Variants in CLTCL1 observed in about 807,000 individuals in gnomAD.
CLTCL1 encodes the protein clathrin heavy chain like 1.
Under a neutral mutation model 190.0 loss-of-function variants are expected in CLTCL1, and 159 were observed. The observed-to-expected ratio is 0.84, with a 90% CI of 0.74 to 0.95. CLTCL1 has a LOEUF of 0.95. Ranked by LOEUF, CLTCL1 falls within the 40% of genes least tolerant of loss-of-function variation. The probability of loss-of-function intolerance (pLI) is 0.00; values close to 1 mark genes in which losing one functional copy is unlikely to be tolerated. For missense variants in CLTCL1, 1,878 were observed against 2,033.4 expected, an observed-to-expected ratio of 0.92 and a Z score of 1.47; for synonymous variants, 752 against 769.6, an observed-to-expected ratio of 0.98 and a Z score of 0.38.
At chr22:19,212,600 AAAGG>A (rs200691747) in intron 19 of CLTCL1, among the ~76,000 whole-genome samples, 21 of 148,954 alleles carry the variant, frequency 1.4e-4, no homozygotes, top group South Asian at 1.0e-3. Flanking sequence ...AGAAAGAAAG[AAAGG>A]AAGGAAGGAA....
At chr22:19,216,701 A>C (rs712950) in intron 18 of CLTCL1, among the ~76,000 whole-genome samples, 11,987 of 152,290 alleles carry the variant, frequency 0.079, 544 homozygotes, top group Middle Eastern at 0.17. Flanking sequence ...ACACCGGATG[A>C]CACTCAGAAC....
chr22:19,229,935 C>T lies in CLTCL1; in HGVS notation c.1685G>A (p.Cys562Tyr). Residue 562 changes from cysteine (C) to tyrosine (Y), a missense_variant, in exon 11 of 33, where the codon TGT becomes TAT. Cys to Tyr is a radical substitution (Grantham distance 194, BLOSUM62 -2). Transcript: ENST00000427926. The part of the protein sequence containing the change: ...IFMENSLIQQ[C>Y]TSFLLDALKN... ...CAAGGCATCCAATAAGAAGGAAGTA[C>T]ACTGCTGAATTAAACTGTTTTCCAT... 6.2e-7 allele frequency: 1 copy of T among 1,611,236 alleles called. No homozygotes were observed.
In CLTCL1 at chr22:19,219,883, A is replaced by C. The variant is rs2145747046; in HGVS notation, c.2919+2T>G. Reference sequence around the variant, plus strand: ...GCAGACATACCCATCTCTGTGCCTCACCTGGTCAATTAGCTGTCTCCTGGA... The same window carrying C: ...GCAGACATACCCATCTCTGTGCCTCCCCTGGTCAATTAGCTGTCTCCTGGA... On this transcript the variant is annotated splice_donor_variant, in intron 18 of 32. Transcript: ENST00000427926. LOFTEE classifies it high-confidence loss of function. The C allele has an allele frequency of 6.2e-7, 1 of 1,614,044 alleles. No individual in the cohort carries two copies. The highest frequency in any genetic ancestry group is 8.5e-7 in the Non-Finnish European group (1 of 1,179,890).
At position 19,201,327 on chromosome 22, in the gene CLTCL1, A is replaced by T; in HGVS notation, c.3765+2T>A. ...TGCCGTCTGCAGTTGCCCGCAGCTCACCTCCTTCCACGTCCGGGTGCTGCT... is the reference window on the plus strand; with the variant it reads ...TGCCGTCTGCAGTTGCCCGCAGCTCTCCTCCTTCCACGTCCGGGTGCTGCT... On this transcript the variant is annotated splice_donor_variant, in intron 23 of 32. Coordinates refer to ENST00000427926, the MANE Select transcript of CLTCL1 (RefSeq NM_007098.4). LOFTEE classifies it high-confidence loss of function. 6.2e-7 allele frequency: 1 copy of T among 1,608,680 alleles called. No homozygotes were observed. The highest frequency in any genetic ancestry group is 8.5e-7 in the Non-Finnish European group (1 of 1,177,940).
chr22:19,286,815 C>T (rs771913428), intron 1 of CLTCL1, among the ~76,000 whole-genome samples: 12 of 152,322 alleles, frequency 7.9e-5, no homozygotes, highest in South Asian at 2.1e-4. Flanking sequence ...ATTTAACATC[C>T]AGCAGAAATA....
chr22:19,232,991 TA>T (rs1270010263), intron 9 of CLTCL1, among the ~76,000 whole-genome samples, 174 bp downstream of exon 9: 1 of 152,060 alleles, frequency 6.6e-6, no homozygotes, highest in Non-Finnish European at 1.5e-5. Flanking sequence ...CTAAGGATAA[TA>T]AAAAGCTGAA....
In CLTCL1 at chr22:19,208,484, C is replaced by T. The variant is rs538280532; in HGVS notation, c.3443-173G>A. ...CTTGATTATGCTCACTAAGCAGATC[C>T]ATAGCTCAGAAGGGAGGAGGGGAGG... On this transcript the variant is annotated intron_variant, in intron 21 of 32. Transcript: ENST00000427926. Among the ~76,000 whole-genome samples, 8 of 152,222 alleles carry T rather than the reference C, an allele frequency of 5.3e-5. No individual in the cohort carries two copies. In the South Asian group the frequency reaches 1.7e-3, roughly 32 times the overall value.
intron 2 of CLTCL1, among the ~76,000 whole-genome samples, chr22:19,269,387 G>C (rs563176493): frequency 6.6e-6 from 1 of 152,186 alleles, no homozygotes; most frequent in African/African-American, 2.4e-5. Flanking sequence ...ATGGGCGATA[G>C]AGTGAGACTC....
chr22:19,242,999 T>A lies in CLTCL1; in HGVS notation c.520-63A>T, dbSNP rs559822309. 234 of 1,440,022 alleles carry A rather than the reference T, an allele frequency of 1.6e-4. No homozygotes were observed. The African/African-American group carries it at 3.0e-3, about 19-fold the overall frequency. 89.2% of individuals were successfully genotyped at this position (1,440,022 alleles called of 1,614,324 possible). On this transcript the variant is annotated intron_variant, in intron 3 of 32. Transcript: ENST00000427926. The stretch of plus-strand genomic sequence containing the variant: ...GAGAGGAATATAAAGAAACAATTCT[T>A]AAAATATATTTCTAAAATGAAAGTC...
At position 19,198,670 on chromosome 22, in the gene CLTCL1, A is replaced by G. The variant is rs1415356936; in HGVS notation, c.3873+1064T>C. Among the ~76,000 whole-genome samples the G allele has an allele frequency of 3.9e-5, 6 of 151,976 alleles. No individual in the cohort carries two copies. Among genetic ancestry groups the G allele is most frequent in the African/African-American group, 1.5e-4 (6 of 41,364 alleles). ...TGCTACCTTGACCGCCCCTTTATGA[A>G]ACTCCATCCAGGCACTCCTATGCCC... On this transcript the variant is annotated intron_variant, in intron 24 of 32. Transcript: ENST00000427926. This position sits in a 1 kb window ranked among gnomAD's most constrained non-coding sequence, Gnocchi z 4.1.
In CLTCL1 at chr22:19,234,564, A is replaced by T; in HGVS notation, c.1112T>A (p.Leu371His). Residue 371 changes from leucine (L) to histidine (H), a missense_variant, in exon 7 of 33, where the codon CTC becomes CAC. Leu to His is a moderately conservative substitution (Grantham distance 99). Transcript: ENST00000427926. ...EKLFVRKFNTLFAQGSYAEAA... is the reference protein window; with the variant it reads ...EKLFVRKFNTHFAQGSYAEAA... ...TTCAGCATAGCTGCCCTGTGCAAAG[A>T]GGGTATTGAATTTTCTCACAAACAA... 1 of 1,613,970 alleles carries T rather than the reference A, an allele frequency of 6.2e-7. No homozygotes were observed. Among genetic ancestry groups the T allele is most frequent in the Non-Finnish European group, 8.5e-7 (1 of 1,179,886 alleles).
chr22:19,208,973 C>T lies in CLTCL1; in HGVS notation c.3391G>A (p.Gly1131Arg). 6.2e-7 allele frequency: 1 copy of T among 1,611,748 alleles called. No individual in the cohort carries two copies. Among genetic ancestry groups the T allele is most frequent in the Non-Finnish European group, 8.5e-7 (1 of 1,179,068 alleles). ...TCCAGGTAAGAGGAAGGGTCGTCCCCTCTGATATAGGAGTTGATGGCTTCC... is the reference window on the plus strand; with the variant it reads ...TCCAGGTAAGAGGAAGGGTCGTCCCTTCTGATATAGGAGTTGATGGCTTCC... ...VKEAINSYIR[G>R]DDPSSYLEVV... Residue 1131 changes from glycine (G) to arginine (R), a missense_variant, in exon 21 of 33, where the codon GGG becomes AGG. Gly to Arg is a moderately radical substitution (Grantham distance 125, BLOSUM62 -2). Coordinates refer to ENST00000427926, the MANE Select transcript of CLTCL1 (RefSeq NM_007098.4).
At chr22:19,206,331 C>T (rs886646168) in intron 22 of CLTCL1, among the ~76,000 whole-genome samples, 24 of 152,186 alleles carry the variant, frequency 1.6e-4, no homozygotes, top group Non-Finnish European at 3.2e-4. Flanking sequence ...CAGCCTTGAC[C>T]TCCTGGGCTC....
At chr22:19,183,184 T>C (rs556969178) in intron 30 of CLTCL1, 1 of 559,592 alleles carries the variant, frequency 1.8e-6, no homozygotes, top group Non-Finnish European at 3.2e-6. Flanking sequence ...GCACTCCCCA[T>C]GATGATTTTC....
intron 23 of CLTCL1, among the ~76,000 whole-genome samples, chr22:19,200,854 AAAAC>A (rs756834848): frequency 9.9e-5 from 15 of 152,260 alleles, no homozygotes; most frequent in African/African-American, 2.6e-4. Flanking sequence ...AAACAAAAAC[AAAAC>A]AAACAAACAA....
In CLTCL1 at chr22:19,210,526, G is replaced by T. The variant is rs370786904; in HGVS notation, c.3066-17C>A. ...TGTAGATTCCTGAGGAGAGAGGGTGGTCAGCACGGCATCCCAGGAACGAAG... is the reference window on the plus strand; with the variant it reads ...TGTAGATTCCTGAGGAGAGAGGGTGTTCAGCACGGCATCCCAGGAACGAAG... On this transcript the variant is annotated splice_polypyrimidine_tract_variant and intron_variant, in intron 19 of 32. Transcript: ENST00000427926. 38 of 1,603,710 alleles carry T rather than the reference G, an allele frequency of 2.4e-5. No individual in the cohort carries two copies. The highest frequency in any genetic ancestry group is 3.2e-5 in the Non-Finnish European group (38 of 1,172,350).
At chr22:19,267,910 T>G (rs552778118) in intron 2 of CLTCL1, among the ~76,000 whole-genome samples, 1 of 150,446 alleles carries the variant, frequency 6.6e-6, no homozygotes, top group South Asian at 2.1e-4. Context: ...AAAAAAAAAA[T>G]TAAAACTACA....
intron 2 of CLTCL1, among the ~76,000 whole-genome samples, chr22:19,263,310 T>C (rs1023241876): frequency 1.3e-5 from 2 of 151,634 alleles, no homozygotes; most frequent in African/African-American, 2.4e-5. Flanking sequence ...TTTGCCATGC[T>C]GCTCTTGAAT....
At chr22:19,209,380 C>T (rs1010721909) in intron 20 of CLTCL1, 5 of 354,578 alleles carry the variant, frequency 1.4e-5, no homozygotes, top group Non-Finnish European at 2.0e-5. Context: ...GCTTTCTGGG[C>T]CGGGGGTAGG....
Sources: allele counts gnomAD v4.1 joint callset (sites outside exome capture counted in the v4.1 genomes callset), GRCh38; gene constraint gnomAD v4.1.1; non-coding constraint Gnocchi (gnomAD v3.1); transcripts MANE v1.5; gene names NCBI Gene and HGNC (gene_info 2026-07-23, HGNC 2026-07-21).